The following DSG1 variants were observed in gnomAD, a reference collection of about 807,000 sequenced individuals.
DSG1 encodes desmoglein-1.
DSG1 carries 39 observed loss-of-function variants against 97.5 expected under a neutral mutation model. The observed-to-expected ratio is 0.40, with a 90% confidence interval of 0.31 to 0.52. The LOEUF is 0.52. DSG1 is among the 20% of genes least tolerant of loss of function. The pLI is 0.53. For missense variants in DSG1, 1,311 were observed against 1,295.4 expected (o/e 1.01, Z -0.18); for synonymous variants, 475 against 443.4 (o/e 1.07, Z -0.90).
At position 31,339,824 on chromosome 18, in the gene DSG1, C is replaced by G; in HGVS notation, c.1486C>G (p.Pro496Ala). 2 of 1,613,556 alleles carry G rather than the reference C, an allele frequency of 1.2e-6. No individual in the cohort carries two copies. Among genetic ancestry groups the G allele is most frequent in the East Asian group, 4.5e-5 (2 of 44,858 alleles). Residue 496 changes from proline (P) to alanine (A), a missense_variant, in exon 11 of 15, where the codon CCG becomes GCG. By Grantham distance (27) the Pro-to-Ala change is conservative. Coordinates refer to ENST00000257192, the MANE Select transcript of DSG1 (RefSeq NM_001942.4). ...FGNDDRTNTE[P>A]NTKITTNTGR... ...TAATGACGACAGGACTAATACAGAGCCGAACACTAAAATTACTACCAATAC... is the reference window on the plus strand; with the variant it reads ...TAATGACGACAGGACTAATACAGAGGCGAACACTAAAATTACTACCAATAC...
chr18:31,318,216 A>C lies in DSG1; in HGVS notation c.-85A>C. 1.7e-6 allele frequency: 2 copies of C among 1,168,662 alleles called. No individual in the cohort carries two copies. The highest frequency in any genetic ancestry group is 2.4e-5 in the South Asian group (2 of 82,188). The allele number at this position is 1,168,662 out of a possible 1,614,324, so 72.4% of individuals were successfully genotyped here. On this transcript the variant is annotated 5_prime_UTR_variant, in exon 1 of 15. Coordinates refer to ENST00000257192, the MANE Select transcript of DSG1 (RefSeq NM_001942.4). ...TCTACTGAGAAATTATTTTAATCAG[A>C]CACCAGCTGAGTGGGAGAAAGAAAA...
intron 3 of DSG1, among the ~76,000 whole-genome samples, chr18:31,327,644 G>A (rs16961641): frequency 0.056 from 8,532 of 152,128 alleles, 299 homozygotes; most frequent in African/African-American, 0.094. Context: ...ATTTATTCGC[G>A]TGGTCTCCTT....
At position 31,354,605 on chromosome 18, in the gene DSG1, C is replaced by T. The variant is rs747276192; in HGVS notation, c.2409C>T (p.Phe803=). ...VSGHPPISPH[F]GTTTVISEST... is the part of the protein sequence containing the mutation. ...GACACCCACCAATCTCCCCACATTT[C>T]GGCACTACCACAGTAATTTCTGAGA... The change falls in exon 15 of 15, where the codon TTC becomes TTT. Residue 803 remains phenylalanine (F), a synonymous_variant. Transcript: ENST00000257192. The T allele has an allele frequency of 5.8e-5, 94 of 1,614,136 alleles. No individual in the cohort carries two copies. Among genetic ancestry groups the T allele is most frequent in the Admixed American group, 2.2e-4 (13 of 60,022 alleles).
At position 31,343,700 on chromosome 18, in the gene DSG1, T is replaced by C. The variant is rs992073963; in HGVS notation, c.1821+117T>C. ...ATGCTGTTTTTTGTGCTGAGAAAGCTAATGGAGAAAATGAAGAGGAATCAG... is the reference window on the plus strand; with the variant it reads ...ATGCTGTTTTTTGTGCTGAGAAAGCCAATGGAGAAAATGAAGAGGAATCAG... On this transcript the variant is annotated intron_variant, in intron 12 of 14. Transcript: ENST00000257192. 33 of 1,471,944 alleles carry C rather than the reference T, an allele frequency of 2.2e-5. No individual in the cohort carries two copies. In the African/African-American group the frequency reaches 4.2e-4, roughly 19 times the overall value. 91.2% of individuals were successfully genotyped at this position (1,471,944 alleles called of 1,614,324 possible). A position where few individuals can be genotyped will look rare whatever the true frequency, so the allele number is the denominator to read the frequency against.
At chr18:31,352,666 T>C (rs1402522099) in intron 14 of DSG1, among the ~76,000 whole-genome samples, 1 of 148,538 alleles carries the variant, frequency 6.7e-6, no homozygotes, top group Non-Finnish European at 1.5e-5. Context: ...GCTTTGCTCA[T>C]TTCTTTTTAT....
intron 1 of DSG1, among the ~76,000 whole-genome samples, chr18:31,319,614 A>C (rs1357112335): frequency 1.3e-5 from 2 of 152,086 alleles, no homozygotes; most frequent in Non-Finnish European, 2.9e-5. Context: ...GAAATATGAG[A>C]GTTTCATATT....
intron 11 of DSG1, among the ~76,000 whole-genome samples, chr18:31,341,801 A>G (rs966236398): frequency 6.6e-6 from 1 of 152,174 alleles, no homozygotes; most frequent in Admixed American, 6.5e-5. Flanking sequence ...ACATTGTAAA[A>G]TGTTTAAATT....
chr18:31,329,513 G>C (rs886835718), intron 4 of DSG1, among the ~76,000 whole-genome samples: 96 of 151,930 alleles, frequency 6.3e-4, no homozygotes, highest in African/African-American at 2.2e-3. Flanking sequence ...TTTTCTTGGG[G>C]CATAATGCAT....
chr18:31,335,341 CT>C (rs2071745210), intron 8 of DSG1, among the ~76,000 whole-genome samples: 1 of 152,116 alleles, frequency 6.6e-6, no homozygotes, highest in Non-Finnish European at 1.5e-5. Flanking sequence ...TTCCATGATA[CT>C]ATTTAGGATT....
chr18:31,330,130 A>AT, intron 5 of DSG1, 94 bp downstream of exon 5: 2 of 1,461,920 alleles, frequency 1.4e-6, no homozygotes. Flanking sequence ...AATGTAAGAG[A>AT]TAAACTATAG....
At chr18:31,332,392 T>G (rs531249623) in intron 6 of DSG1, among the ~76,000 whole-genome samples, 1 of 152,212 alleles carries the variant, frequency 6.6e-6, no homozygotes, top group South Asian at 2.1e-4. Context: ...TCATTTACTT[T>G]GGGAAATGAA....
At position 31,343,326 on chromosome 18, in the gene DSG1, T is replaced by C. The variant is rs545930486; in HGVS notation, c.1688-124T>C. On this transcript the variant is annotated intron_variant, in intron 11 of 14. Coordinates refer to ENST00000257192, the MANE Select transcript of DSG1 (RefSeq NM_001942.4). ...ATCATTCAGCTTGTATTCTGAAACT[T>C]TCATAATTTTAGAACCAACCAGAAT... 8.2e-5 allele frequency: 115 copies of C among 1,400,308 alleles called. No individual in the cohort carries two copies. The African/African-American group carries it at 1.4e-3, about 17-fold the overall frequency. The allele number at this position is 1,400,308 out of a possible 1,614,324, so 86.7% of individuals were successfully genotyped here. A position where few individuals can be genotyped will look rare whatever the true frequency, so the allele number is the denominator to read the frequency against.
At chr18:31,338,488 G>T in intron 10 of DSG1, 34 bp downstream of exon 10, 1 of 1,604,342 alleles carries the variant, frequency 6.2e-7, no homozygotes, top group Non-Finnish European at 8.5e-7. Context: ...ATCTTTTCTA[G>T]AGAAAGCTGT....
rs1160865622 is a variant in DSG1 at position 31,327,090 on chromosome 18, A to G, written c.216+85A>G. On this transcript the variant is annotated intron_variant, in intron 3 of 14. Coordinates refer to ENST00000257192, the MANE Select transcript of DSG1 (RefSeq NM_001942.4). ...ACTGTCTGCTAAATATTTCATGAAC[A>G]TGTCTCACCGAGAAGCTACGATACA... is the stretch of plus-strand genomic sequence containing the variant. 11 of 1,518,976 alleles carry G rather than the reference A, an allele frequency of 7.2e-6. No individual in the cohort carries two copies. In the Admixed American group the frequency reaches 8.4e-5, roughly 12 times the overall value. 94.1% of individuals were successfully genotyped at this position (1,518,976 alleles called of 1,614,324 possible).
In DSG1 at chr18:31,357,137, T is replaced by C. The variant is rs1386240003; in HGVS notation, c.*1791T>C. ...ACTTCCTCCACTGGTCAAAAGAGGATAGGAGTGAATTACTGAACCTAGAGC... is the reference window on the plus strand; with the variant it reads ...ACTTCCTCCACTGGTCAAAAGAGGACAGGAGTGAATTACTGAACCTAGAGC... On this transcript the variant is annotated 3_prime_UTR_variant, in exon 15 of 15. Coordinates refer to ENST00000257192, the MANE Select transcript of DSG1 (RefSeq NM_001942.4). 42 of 152,058 alleles carry C rather than the reference T, an allele frequency of 2.8e-4. No homozygotes were observed. The highest frequency in any genetic ancestry group is 2.8e-3 in the Admixed American group (42 of 15,266). The allele number at this position is 152,058 out of a possible 1,614,324, so 9.4% of individuals were successfully genotyped here.
At chr18:31,350,753 C>A (rs370600958) in intron 14 of DSG1, among the ~76,000 whole-genome samples, 88 of 151,098 alleles carry the variant, frequency 5.8e-4, no homozygotes, top group African/African-American at 2.1e-3. Context: ...AGTTTATTTG[C>A]GTAGAGGTGT....
Position 31,354,884 on chromosome 18 carries a change from A to G in DSG1, c.2688A>G (p.Glu896=), listed in dbSNP as rs999582974. The G allele has an allele frequency of 3.7e-6, 6 of 1,614,070 alleles. No individual in the cohort carries two copies. The Admixed American group carries it at 5.0e-5, about 13-fold the overall frequency. ...ATGGGTCGAATGTTATAGTGACAGA[A>G]AGGGTAATAGCACCAAGCTCTAGTC... The part of the protein sequence containing the change: ...LRDGSNVIVT[E]RVIAPSSSLP... The change falls in exon 15 of 15, where the codon GAA becomes GAG. Residue 896 remains glutamate, a synonymous_variant. Transcript: ENST00000257192.
In DSG1 at chr18:31,339,783, A is replaced by G; in HGVS notation, c.1445A>G (p.Asn482Ser). ...QRTCTGTINI[N>S]IQSFGNDDRT... ...ACTTGCACTGGTACAATTAATATTAACATTCAAAGTTTTGGTAATGACGAC... is the reference window on the plus strand; with the variant it reads ...ACTTGCACTGGTACAATTAATATTAGCATTCAAAGTTTTGGTAATGACGAC... The change falls in exon 11 of 15, where the codon AAC becomes AGC. Residue 482 changes from asparagine (N) to serine (S), a missense_variant. Asn to Ser is a conservative substitution (Grantham distance 46). Transcript: ENST00000257192. The G allele has an allele frequency of 6.2e-7, 1 of 1,612,846 alleles. No individual in the cohort carries two copies. The highest frequency in any genetic ancestry group is 8.5e-7 in the Non-Finnish European group (1 of 1,178,896).
chr18:31,356,316 C>G lies in DSG1; in HGVS notation c.*970C>G, dbSNP rs772007123. 6.6e-6 allele frequency: 1 copy of G among 151,868 alleles called. No homozygotes were observed. The highest frequency in any genetic ancestry group is 1.5e-5 in the Non-Finnish European group (1 of 68,002). 9.4% of individuals were successfully genotyped at this position (151,868 alleles called of 1,614,324 possible). The stretch of plus-strand genomic sequence containing the variant: ...TTGTTTTTAGTAGGTGATATTCATT[C>G]GTATCCAGCTCTTTATTACATAGCT... On this transcript the variant is annotated 3_prime_UTR_variant, in exon 15 of 15. Transcript: ENST00000257192.
Sources: allele counts gnomAD v4.1 joint callset (sites outside exome capture counted in the v4.1 genomes callset), GRCh38; gene constraint gnomAD v4.1.1; transcripts MANE v1.5; gene names NCBI Gene and HGNC (gene_info 2026-07-23, HGNC 2026-07-21).